The following LGSN variants were observed in gnomAD, a reference collection of about 807,000 sequenced individuals.
LGSN encodes lengsin.
In LGSN, 21 loss-of-function variants were observed where a neutral mutation model predicts 19.5. That is an observed-to-expected ratio of 1.07 (90% CI 0.76 to 1.55). The LOEUF is 1.55. LGSN is among the 40% of genes most tolerant of loss of function. LGSN has a pLI of 0.00. For missense variants in LGSN, 673 were observed against 608.5 expected (o/e 1.11, Z -1.12); for synonymous variants, 257 against 215.6 (o/e 1.19, Z -1.68).
the LGSN span, among the ~76,000 whole-genome samples, chr6:63,501,403 C>T: frequency 2.6e-5 from 4 of 151,612 alleles, no homozygotes; most frequent in South Asian, 4.2e-4. Flanking sequence ...ATTGTCACTA[C>T]CCCTTGCCTT....
At chr6:63,482,761 C>T in the LGSN span, among the ~76,000 whole-genome samples, 1 of 151,746 alleles carries the variant, frequency 6.6e-6, no homozygotes, top group African/African-American at 2.4e-5. Flanking sequence ...AGTGCAGTGG[C>T]ATTATCTTGG....
intron 2 of LGSN, among the ~76,000 whole-genome samples, chr6:63,287,580 C>A (rs6909675): frequency 6.6e-6 from 1 of 151,966 alleles, no homozygotes; most frequent in African/African-American, 2.4e-5. Flanking sequence ...TGGTGTCATG[C>A]GCCTGTAGTC....
chr6:63,431,095 T>C, the LGSN span, among the ~76,000 whole-genome samples: 1 of 152,246 alleles, frequency 6.6e-6, no homozygotes, highest in Non-Finnish European at 1.5e-5. Context: ...TTATCCCATT[T>C]GATCTTCACA....
the LGSN span, among the ~76,000 whole-genome samples, chr6:63,564,351 T>C: frequency 5.9e-5 from 9 of 151,882 alleles, no homozygotes; most frequent in African/African-American, 2.2e-4. Flanking sequence ...CTTCCAGCCA[T>C]GAATGGAACT....
the LGSN span, among the ~76,000 whole-genome samples, chr6:63,501,944 C>T: frequency 6.6e-6 from 1 of 152,168 alleles, no homozygotes; most frequent in Non-Finnish European, 1.5e-5. Context: ...TATAGGCACA[C>T]ACCACCACAT....
At chr6:63,412,492 AAG>A in the LGSN span, among the ~76,000 whole-genome samples, 2 of 92,570 alleles carry the variant, frequency 2.2e-5, no homozygotes, top group Admixed American at 2.3e-4. Context: ...AGAAGAAAGA[AAG>A]AAAGAAAGAA....
chr6:63,393,921 C>A, the LGSN span, among the ~76,000 whole-genome samples: 1 of 152,126 alleles, frequency 6.6e-6, no homozygotes, highest in Non-Finnish European at 1.5e-5. Flanking sequence ...TTCTAAGTGA[C>A]AGGATGAGAT....
chr6:63,449,200 A>T, the LGSN span, among the ~76,000 whole-genome samples: 2 of 152,290 alleles, frequency 1.3e-5, no homozygotes, highest in Admixed American at 1.3e-4. Context: ...TAAATAAATA[A>T]ACCCACCAGG....
the LGSN span, among the ~76,000 whole-genome samples, chr6:63,495,374 C>T: frequency 8.6e-3 from 1,300 of 151,916 alleles, 34 homozygotes; most frequent in African/African-American, 0.029. Flanking sequence ...CTTCTGCCCC[C>T]GGAGCCTATG....
the LGSN span, among the ~76,000 whole-genome samples, chr6:63,389,303 G>T: frequency 1.3e-5 from 2 of 152,136 alleles, no homozygotes; most frequent in African/African-American, 4.8e-5. Context: ...TAGAAAAGAA[G>T]CTTACCTTAC....
At chr6:63,498,311 G>A in the LGSN span, among the ~76,000 whole-genome samples, 2 of 152,034 alleles carry the variant, frequency 1.3e-5, no homozygotes, top group South Asian at 2.1e-4. Flanking sequence ...CAAACAGGTC[G>A]AAGCCTGATT....
chr6:63,417,555 G>A, the LGSN span, among the ~76,000 whole-genome samples: 1 of 152,110 alleles, frequency 6.6e-6, no homozygotes, highest in East Asian at 1.9e-4. Context: ...GCTTCTGTCT[G>A]TTTAAATAGC....
At chr6:63,377,931 A>AGG in the LGSN span, among the ~76,000 whole-genome samples, 2 of 125,478 alleles carry the variant, frequency 1.6e-5, no homozygotes, top group African/African-American at 6.4e-5. Context: ...AAAAAAAAAA[A>AGG]AAAAGAAAAG....
chr6:63,314,488 A>G (rs753552607), intron 1 of LGSN, among the ~76,000 whole-genome samples: 2 of 152,202 alleles, frequency 1.3e-5, no homozygotes, highest in Admixed American at 1.3e-4. Flanking sequence ...AAGAGAAAAA[A>G]TGAGGAGGAA....
At chr6:63,558,868 G>C in the LGSN span, among the ~76,000 whole-genome samples, 1 of 152,214 alleles carries the variant, frequency 6.6e-6, no homozygotes, top group Non-Finnish European at 1.5e-5. Context: ...TAAAGATATG[G>C]AATGAGTTGC....
chr6:63,302,512 C>T (rs1209536145), intron 1 of LGSN, among the ~76,000 whole-genome samples: 2 of 152,136 alleles, frequency 1.3e-5, no homozygotes. Flanking sequence ...ATACTAAAAG[C>T]TCTAATGAAG....
At chr6:63,370,099 A>G in the LGSN span, among the ~76,000 whole-genome samples, 1 of 152,212 alleles carries the variant, frequency 6.6e-6, no homozygotes, top group Non-Finnish European at 1.5e-5. Flanking sequence ...ATTTACAGAC[A>G]TTAGAATTTT....
chr6:63,320,747 C>T (rs1232863352), upstream of LGSN, among the ~76,000 whole-genome samples: 1 of 152,320 alleles, frequency 6.6e-6, no homozygotes, highest in South Asian at 2.1e-4. Flanking sequence ...TTCTTCTGAA[C>T]CAAACCAAAT....
the LGSN span, among the ~76,000 whole-genome samples, chr6:63,459,700 G>C: frequency 2.6e-5 from 4 of 152,034 alleles, no homozygotes; most frequent in African/African-American, 7.2e-5. Flanking sequence ...GATCACTGGA[G>C]GTCAGGAGTT....
Sources: allele counts gnomAD v4.1 joint callset (sites outside exome capture counted in the v4.1 genomes callset), GRCh38; gene constraint gnomAD v4.1.1; transcripts MANE v1.5; gene names NCBI Gene and HGNC (gene_info 2026-07-23, HGNC 2026-07-21).